The following TAF1 variants were observed in gnomAD, a reference collection of about 807,000 sequenced individuals.
TAF1 encodes TATA-box binding protein associated factor 1, also known as transcription initiation factor TFIID subunit 1.
In TAF1, 2 loss-of-function variants were observed where a neutral mutation model predicts 138.5. That is an observed-to-expected ratio of 0.01 (90% CI 0.01 to 0.05). The LOEUF is 0.05. TAF1 is among the 10% of genes least tolerant of loss of function. The pLI, the probability that TAF1 is intolerant of heterozygous loss-of-function variation, is 1.00. For missense variants in TAF1, 709 were observed against 1,478.0 expected, an observed-to-expected ratio of 0.48 and a Z score of 8.53; for synonymous variants, 437 against 503.2, an observed-to-expected ratio of 0.87 and a Z score of 1.76.
At chrX:71,467,086 C>T (rs867453923), downstream of TAF1, among the ~76,000 whole-genome samples, 351 of 65,130 alleles carry the variant, frequency 5.4e-3, 3 homozygotes, top group African/African-American at 0.018. Context: ...GGAGGGCATT[C>T]TTTTTTTTTT....
chrX:71,458,426 AATGGTG>A, intron 35 of TAF1, 60 bp downstream of exon 35: 9 of 1,165,405 alleles, frequency 7.7e-6, no homozygotes, highest in South Asian at 2.0e-5. Flanking sequence ...GGGCTAGGGG[AATGGTG>A]ATGGTGATGG....
downstream of TAF1, among the ~76,000 whole-genome samples, chrX:71,470,412 A>G (rs900100698): frequency 1.8e-5 from 2 of 109,825 alleles, no homozygotes; most frequent in Non-Finnish European, 1.9e-5. Flanking sequence ...ATATGTATAC[A>G]CATGTATTAT....
At chrX:71,427,108 T>C (rs1569336013) in intron 32 of TAF1, among the ~76,000 whole-genome samples, 2 of 111,741 alleles carry the variant, frequency 1.8e-5, no homozygotes, top group African/African-American at 6.5e-5. Flanking sequence ...GATGAAGAAA[T>C]AAGCATTCTG....
chrX:71,498,597 C>A (rs939520986), intron 13 of TAF1, among the ~76,000 whole-genome samples: 1 of 111,106 alleles, frequency 9.0e-6, no homozygotes, highest in Non-Finnish European at 1.9e-5. Flanking sequence ...GTCTTTTAGC[C>A]TGATTTGGAC....
intron 22 of TAF1, among the ~76,000 whole-genome samples, 174 bp downstream of exon 22, chrX:71,394,419 G>A (rs2034736207): frequency 8.9e-6 from 1 of 112,673 alleles, no homozygotes; most frequent in Admixed American, 9.4e-5. Flanking sequence ...AGGATTGTCT[G>A]TGGAGGACCA....
intron 32 of TAF1, among the ~76,000 whole-genome samples, chrX:71,449,365 T>C (rs1044896504): frequency 4.5e-5 from 5 of 112,082 alleles, no homozygotes; most frequent in Non-Finnish European, 9.4e-5. Flanking sequence ...CCTCAGGTGA[T>C]TGCCTGCCTC....
chrX:71,385,582 T>C (rs2034165302), intron 14 of TAF1, among the ~76,000 whole-genome samples: 1 of 110,871 alleles, frequency 9.0e-6, no homozygotes, highest in African/African-American at 3.3e-5. Flanking sequence ...GTGGAAAATC[T>C]CTAGCACTCT....
chrX:71,423,237 G>T lies in TAF1; in HGVS notation c.4573G>T (p.Asp1525Tyr). ...IVTQKMMAVP[D>Y]SWPFHHPVNK... is the part of the protein sequence containing the mutation. ...CACCCAGAAAATGATGGCAGTTCCAGATGTAAGCTGTCTCTGTGCCAAATA... is the reference window on the plus strand; with the variant it reads ...CACCCAGAAAATGATGGCAGTTCCATATGTAAGCTGTCTCTGTGCCAAATA... The change falls in exon 30 of 38, where the codon GAT becomes TAT. Residue 1525 changes from aspartate to tyrosine, a missense_variant and splice_region_variant. By Grantham distance (160) the Asp-to-Tyr change is radical. This residue lies in a region of TAF1 where 63 missense variants were observed against 163.3 expected (regional missense o/e 0.39). Coordinates refer to ENST00000423759, the MANE Select transcript of TAF1 (RefSeq NM_004606.5). 1 of 1,211,444 alleles carries T rather than the reference G, an allele frequency of 8.3e-7. No individual in the cohort carries two copies. The highest frequency in any genetic ancestry group is 1.1e-6 in the Non-Finnish European group (1 of 895,325).
At position 71,406,698 on chromosome X, in the gene TAF1, A is replaced by G. The variant is rs2035490335; in HGVS notation, c.4059A>G (p.Pro1353=). The G allele has an allele frequency of 8.3e-7, 1 of 1,210,997 alleles. No individual in the cohort carries two copies. Among genetic ancestry groups the G allele is most frequent in the Non-Finnish European group, 1.1e-6 (1 of 895,312 alleles). Residue 1353 remains proline, a synonymous_variant, in exon 26 of 38, where the codon CCA becomes CCG. Coordinates refer to ENST00000423759, the MANE Select transcript of TAF1 (RefSeq NM_004606.5). ...VLKFPKQQLP[P]KKKRRVGTTV... ...AGTTTCCTAAACAGCAGCTTCCTCC[A>G]AAGAAGAAACGGCGAGTTGGAACCA...
At chrX:71,505,874 G>A (rs2039612080) in intron 13 of TAF1, among the ~76,000 whole-genome samples, 1 of 110,852 alleles carries the variant, frequency 9.0e-6, no homozygotes, top group Non-Finnish European at 1.9e-5. Context: ...TACAGTATTA[G>A]CCAGGCATGG....
chrX:71,374,498 G>A (rs778483425), intron 3 of TAF1, among the ~76,000 whole-genome samples: 30 of 111,881 alleles, frequency 2.7e-4, no homozygotes, highest in Middle Eastern at 4.7e-3. Context: ...GCATGGTCTT[G>A]CTCTGTCACA....
chrX:71,378,342 C>T lies in TAF1; in HGVS notation c.1041C>T (p.Ala347=), dbSNP rs1375995586. 4.1e-6 allele frequency: 5 copies of T among 1,211,672 alleles called. No homozygotes were observed. Among genetic ancestry groups the T allele is most frequent in the Non-Finnish European group, 5.6e-6 (5 of 895,526 alleles). ...PRVAEWRYGP[A]RLWYDMLGVP... The stretch of plus-strand genomic sequence containing the variant: ...TGGCTGAGTGGCGTTATGGGCCTGC[C>T]CGACTGTGGTATGATATGCTGGGTG... The change falls in exon 7 of 38, where the codon GCC becomes GCT. Residue 347 remains alanine (A), a synonymous_variant. Coordinates refer to ENST00000423759, the MANE Select transcript of TAF1 (RefSeq NM_004606.5).
intron 13 of TAF1, among the ~76,000 whole-genome samples, chrX:71,500,836 G>A (rs1241845787): frequency 9.1e-6 from 1 of 110,036 alleles, no homozygotes; most frequent in Non-Finnish European, 1.9e-5. Flanking sequence ...GCTGAGGTGG[G>A]TGGATCACCT....
At chrX:71,438,110 T>C (rs1255977239) in intron 32 of TAF1, among the ~76,000 whole-genome samples, 2 of 111,136 alleles carry the variant, frequency 1.8e-5, no homozygotes, top group Admixed American at 9.6e-5. Context: ...GTGCTGGGAT[T>C]ACAGGTATGA....
chrX:71,422,440 C>T (rs1294579588), intron 29 of TAF1, among the ~76,000 whole-genome samples: 5 of 107,887 alleles, frequency 4.6e-5, no homozygotes. Flanking sequence ...CTTGGCCTCC[C>T]GAGTAGCTGG....
intron 32 of TAF1, among the ~76,000 whole-genome samples, chrX:71,438,298 C>T (rs2037245829): frequency 9.0e-6 from 1 of 111,489 alleles, no homozygotes; most frequent in African/African-American, 3.3e-5. Flanking sequence ...CTCCTGGTAA[C>T]CTCTATTCTA....
chrX:71,491,050 T>G (rs1334233609), intron 13 of TAF1: 3 of 98,751 alleles, frequency 3.0e-5, no homozygotes, highest in East Asian at 3.0e-4. Flanking sequence ...GTTGTTTTTT[T>G]TTTTTTTTTT....
At chrX:71,383,313 A>T in intron 12 of TAF1, 149 bp downstream of exon 12, 1 of 701,765 alleles carries the variant, frequency 1.4e-6, no homozygotes, top group African/African-American at 2.2e-5. Flanking sequence ...GAATGTCTTT[A>T]TTGTTAGGTG....
intron 3 of TAF1, 57 bp downstream of exon 3, chrX:71,368,227 C>T (rs1416977930): frequency 2.1e-5 from 24 of 1,123,075 alleles, no homozygotes; most frequent in Non-Finnish European, 2.7e-5. Flanking sequence ...CTGTATAGTC[C>T]AGTTTGGGCT....
Sources: gnomAD v4.1 joint callset for allele counts (sites outside exome capture counted in the v4.1 genomes callset) on GRCh38, gnomAD v4.1.1 for gene constraint, gnomAD v4.1.1 regional missense constraint, MANE v1.5 for transcripts, NCBI Gene and HGNC (gene_info 2026-07-23, HGNC 2026-07-21) for gene names.